Variants in NEUROD4 observed in about 807,000 individuals in gnomAD.
NEUROD4 encodes the protein neurogenic differentiation factor 4.
A neutral mutation model predicts 19.8 loss-of-function variants in NEUROD4; 16 were observed. The ratio of observed to expected loss-of-function variants is 0.81; its 90% confidence interval spans 0.55 to 1.23. The LOEUF is 1.23. Ranked by LOEUF, NEUROD4 falls within the 50% of genes most tolerant of loss-of-function variation. The pLI is 0.00. For missense variants in NEUROD4, 439 were observed against 398.6 expected, an observed-to-expected ratio of 1.10 and a Z score of -0.86; for synonymous variants, 153 against 147.9, an observed-to-expected ratio of 1.03 and a Z score of -0.25.
Position 55,026,956 on chromosome 12 carries a change from T to C in NEUROD4, c.517T>C (p.Cys173Arg), listed in dbSNP as rs1328957916. 6.2e-7 allele frequency: 1 copy of C among 1,614,190 alleles called. No individual in the cohort carries two copies. Among genetic ancestry groups the C allele is most frequent in the East Asian group, 2.2e-5 (1 of 44,874 alleles). ...SQPTSNLVAG[C>R]LQLGPQSVLL... is the part of the protein sequence containing the mutation. ...GCCCACAAGCAACCTGGTGGCTGGA[T>C]GTCTCCAACTGGGCCCTCAGTCTGT... The change falls in exon 2 of 2, where the codon TGT becomes CGT. Residue 173 changes from cysteine to arginine, a missense_variant. Cys to Arg is a radical substitution (Grantham distance 180). Transcript: ENST00000242994.
chr12:55,022,469 A>C (rs1488220848), intron 1 of NEUROD4, among the ~76,000 whole-genome samples: 1 of 152,118 alleles, frequency 6.6e-6, no homozygotes, highest in African/African-American at 2.4e-5. Flanking sequence ...AAAGTCAGAT[A>C]AACATTTTTC....
Position 55,026,601 on chromosome 12 carries a change from TGAGGAAGAAGAAGAA to T in NEUROD4, c.174_188del (p.Glu58_Glu62del). The T allele has an allele frequency of 1.2e-6, 2 of 1,613,742 alleles. No individual in the cohort carries two copies. Among genetic ancestry groups the T allele is most frequent in the Non-Finnish European group, 8.5e-7 (1 of 1,179,846 alleles). ...GCTTAACTGAAGAGCATGACAGTAT[TGAGGAAGAAGAAGAA>T]GAGGAAGAAGATGGGGAGAAACCTA... On this transcript the variant is annotated inframe_deletion, in exon 2 of 2. Coordinates refer to ENST00000242994, the MANE Select transcript of NEUROD4 (RefSeq NM_021191.3).
intron 1 of NEUROD4, among the ~76,000 whole-genome samples, chr12:55,024,910 C>T (rs1952710196): frequency 6.6e-6 from 1 of 152,152 alleles, no homozygotes; most frequent in South Asian, 2.1e-4. Flanking sequence ...AAACAAGCTC[C>T]AATTACCAGA....
chr12:55,020,803 C>T (rs1206052834), intron 1 of NEUROD4, among the ~76,000 whole-genome samples: 2 of 152,108 alleles, frequency 1.3e-5, no homozygotes, highest in Non-Finnish European at 2.9e-5. Context: ...GGAAAATCCT[C>T]GGGGTAGATT....
At chr12:55,022,715 A>G (rs1952682814) in intron 1 of NEUROD4, among the ~76,000 whole-genome samples, 1 of 152,150 alleles carries the variant, frequency 6.6e-6, no homozygotes, top group Non-Finnish European at 1.5e-5. Context: ...ATATGATGGA[A>G]GAGTTCTAGT....
At position 55,027,585 on chromosome 12, in the gene NEUROD4, C is replaced by T; in HGVS notation, c.*150C>T. 1 of 706,454 alleles carries T rather than the reference C, an allele frequency of 1.4e-6. No individual in the cohort carries two copies. Among genetic ancestry groups the T allele is most frequent in the East Asian group, 2.6e-5 (1 of 38,768 alleles). The allele number at this position is 706,454 out of a possible 1,614,324, so 43.8% of individuals were successfully genotyped here. On this transcript the variant is annotated 3_prime_UTR_variant, in exon 2 of 2. Transcript: ENST00000242994. ...CATTTAGGCTTTCCTTCACCTATCACCTCTTTTCTCATCACCTTCTCACAT... is the reference window on the plus strand; with the variant it reads ...CATTTAGGCTTTCCTTCACCTATCATCTCTTTTCTCATCACCTTCTCACAT...
At chr12:55,024,150 AGGATGAGGAAGAGATGATGATCTCTT>A (rs1161595208) in intron 1 of NEUROD4, among the ~76,000 whole-genome samples, 3 of 152,066 alleles carry the variant, frequency 2.0e-5, no homozygotes, top group Non-Finnish European at 2.9e-5. Flanking sequence ...AAAAAGGGGG[AGGATGAGGAAGAGATGATGATCTCTT>A]GGATGATGAT....
rs1217837128 is a variant in NEUROD4, at chr12:55,026,718, TGCC to T, written c.280_282del (p.Ala94del). ...TCAGGGCTCGAAGAGTCAAGGCTAATGCCAGAGAACGGACCCGGATGCATGGCC... is the reference window on the plus strand; with the variant it reads ...TCAGGGCTCGAAGAGTCAAGGCTAATAGAGAACGGACCCGGATGCATGGCC... On this transcript the variant is annotated inframe_deletion, in exon 2 of 2. Transcript: ENST00000242994. 1 of 1,614,178 alleles carries T rather than the reference TGCC, an allele frequency of 6.2e-7. No homozygotes were observed. The highest frequency in any genetic ancestry group is 1.7e-5 in the Admixed American group (1 of 60,012).
chr12:55,026,698 G>C lies in NEUROD4; in HGVS notation c.259G>C (p.Ala87Pro). Reference sequence around the variant, plus strand: ...CAAAGCTCGCCTTGAGAGATTCAGGGCTCGAAGAGTCAAGGCTAATGCCAG... The same window carrying C: ...CAAAGCTCGCCTTGAGAGATTCAGGCCTCGAAGAGTCAAGGCTAATGCCAG... ...MTKARLERFR[A>P]RRVKANARER... The change falls in exon 2 of 2, where the codon GCT becomes CCT. Residue 87 changes from alanine (A) to proline (P), a missense_variant. Ala to Pro is a conservative substitution (Grantham distance 27). Coordinates refer to ENST00000242994, the MANE Select transcript of NEUROD4 (RefSeq NM_021191.3). 1 of 1,614,168 alleles carries C rather than the reference G, an allele frequency of 6.2e-7. No individual in the cohort carries two copies. The highest frequency in any genetic ancestry group is 8.5e-7 in the Non-Finnish European group (1 of 1,180,006).
intron 1 of NEUROD4, among the ~76,000 whole-genome samples, chr12:55,021,462 C>T (rs1952672969): frequency 6.6e-6 from 1 of 152,182 alleles, no homozygotes; most frequent in Admixed American, 6.5e-5. Context: ...AAGACACCAT[C>T]TAACTACCAC....
In NEUROD4 at chr12:55,027,221, G is replaced by A. The variant is rs1398489959; in HGVS notation, c.782G>A (p.Gly261Glu). 6.2e-7 allele frequency: 1 copy of A among 1,613,952 alleles called. No homozygotes were observed. The highest frequency in any genetic ancestry group is 1.1e-5 in the South Asian group (1 of 91,082). ...GPLTPPLSIS[G>E]NFSLKQDGSP... ...CTCACTCCACCCCTGAGCATCAGTG[G>A]GAACTTCTCCTTGAAGCAAGATGGG... Residue 261 changes from glycine to glutamate, a missense_variant, in exon 2 of 2, where the codon GGG becomes GAG. Physicochemically the swap from Gly to Glu is moderately conservative, Grantham distance 98 (BLOSUM62 -2). Transcript: ENST00000242994.
rs957598186 is a variant in NEUROD4 at position 55,027,592 on chromosome 12, T to G, written c.*157T>G. 5 of 672,016 alleles carry G rather than the reference T, an allele frequency of 7.4e-6. No homozygotes were observed. Among genetic ancestry groups the G allele is most frequent in the Non-Finnish European group, 1.0e-5 (4 of 385,340 alleles). 41.6% of individuals were successfully genotyped at this position (672,016 alleles called of 1,614,324 possible). A position where few individuals can be genotyped will look rare whatever the true frequency, so the allele number is the denominator to read the frequency against. On this transcript the variant is annotated 3_prime_UTR_variant, in exon 2 of 2. Coordinates refer to ENST00000242994, the MANE Select transcript of NEUROD4 (RefSeq NM_021191.3). ...GCTTTCCTTCACCTATCACCTCTTT[T>G]CTCATCACCTTCTCACATTGCATTG... is the stretch of plus-strand genomic sequence containing the variant.
intron 1 of NEUROD4, among the ~76,000 whole-genome samples, chr12:55,025,406 T>C (rs1271479705): frequency 6.6e-6 from 1 of 152,132 alleles, no homozygotes; most frequent in Non-Finnish European, 1.5e-5. Context: ...TCATTTTAAA[T>C]AAAGTATTAT....
At position 55,026,802 on chromosome 12, in the gene NEUROD4, A is replaced by C; in HGVS notation, c.363A>C (p.Gln121His). ...RRVMPCYSKTQKLSKIETLRL... is the reference protein window; with the variant it reads ...RRVMPCYSKTHKLSKIETLRL... ...TCATGCCATGCTACTCTAAAACCCA[A>C]AAACTTTCCAAGATAGAGACTCTTA... is the stretch of plus-strand genomic sequence containing the variant. The change falls in exon 2 of 2, where the codon CAA becomes CAC. Residue 121 changes from glutamine to histidine, a missense_variant. Coordinates refer to ENST00000242994, the MANE Select transcript of NEUROD4 (RefSeq NM_021191.3). 6.2e-7 allele frequency: 1 copy of C among 1,614,168 alleles called. No homozygotes were observed. The highest frequency in any genetic ancestry group is 8.5e-7 in the Non-Finnish European group (1 of 1,180,020).
rs936236539 is a variant in NEUROD4 at position 55,027,390 on chromosome 12, C to T, written c.951C>T (p.Pro317=). ...TAGACATGTCCTATGATTCCTACCC[C>T]CATCATGGTATTGGGACCCAACTCA... ...VPIDMSYDSY[P]HHGIGTQLNT... Residue 317 remains proline, a synonymous_variant, in exon 2 of 2, where the codon CCC becomes CCT. Coordinates refer to ENST00000242994, the MANE Select transcript of NEUROD4 (RefSeq NM_021191.3). 6.2e-7 allele frequency: 1 copy of T among 1,613,436 alleles called. No individual in the cohort carries two copies.
Position 55,028,879 on chromosome 12 carries a change from C to G in NEUROD4, c.*1444C>G, listed in dbSNP as rs934581892. 1 of 165,538 alleles carries G rather than the reference C, an allele frequency of 6.0e-6. No individual in the cohort carries two copies. The highest frequency in any genetic ancestry group is 2.1e-4 in the South Asian group (1 of 4,810). 10.3% of individuals were successfully genotyped at this position (165,538 alleles called of 1,614,324 possible). ...TCCTTTATATCAATGCTAACTTCAT[C>G]AAATTTGTATTTTTTTTCAGAAAAT... is the stretch of plus-strand genomic sequence containing the variant. On this transcript the variant is annotated 3_prime_UTR_variant, in exon 2 of 2. Coordinates refer to ENST00000242994, the MANE Select transcript of NEUROD4 (RefSeq NM_021191.3).
chr12:55,020,431 T>C (rs1288183068), intron 1 of NEUROD4, 118 bp downstream of exon 1: 1 of 152,098 alleles, frequency 6.6e-6, no homozygotes, highest in East Asian at 1.9e-4. Flanking sequence ...GGAAGTGAGA[T>C]TTAGGAAACT....
At position 55,026,751 on chromosome 12, in the gene NEUROD4, T is replaced by C. The variant is rs1477684805; in HGVS notation, c.312T>C (p.Asn104=). Residue 104 remains asparagine, a synonymous_variant, in exon 2 of 2, where the codon AAT becomes AAC. Coordinates refer to ENST00000242994, the MANE Select transcript of NEUROD4 (RefSeq NM_021191.3). The part of the protein sequence containing the change: ...ARERTRMHGL[N]DALDNLRRVM... ...AACGGACCCGGATGCATGGCCTGAA[T>C]GACGCCCTGGATAACCTGAGGCGAG... 8 of 1,614,074 alleles carry C rather than the reference T, an allele frequency of 5.0e-6. No homozygotes were observed. The highest frequency in any genetic ancestry group is 5.9e-6 in the Non-Finnish European group (7 of 1,180,028).
In NEUROD4 at chr12:55,029,640, A is replaced by T. The variant is rs567060889; in HGVS notation, c.*2205A>T. ...GTTTTGGAGTGAGGGGAAAGGAAAA[A>T]ATAGAGAATTACCTCTGTGATAATT... On this transcript the variant is annotated 3_prime_UTR_variant, in exon 2 of 2. Coordinates refer to ENST00000242994, the MANE Select transcript of NEUROD4 (RefSeq NM_021191.3). The T allele has an allele frequency of 6.0e-6, 1 of 167,194 alleles. No individual in the cohort carries two copies. The highest frequency in any genetic ancestry group is 2.1e-4 in the South Asian group (1 of 4,826). The allele number at this position is 167,194 out of a possible 1,614,324, so 10.4% of individuals were successfully genotyped here. A position where few individuals can be genotyped will look rare whatever the true frequency, so the allele number is the denominator to read the frequency against.
Sources: gnomAD v4.1 joint callset for allele counts (sites outside exome capture counted in the v4.1 genomes callset) on GRCh38, gnomAD v4.1.1 for gene constraint, MANE v1.5 for transcripts, NCBI Gene and HGNC (gene_info 2026-07-23, HGNC 2026-07-21) for gene names.